Variants in ASXL3 observed in about 807,000 individuals in gnomAD.
The protein encoded by ASXL3 is ASXL transcriptional regulator 3, also known as putative Polycomb group protein ASXL3.
A neutral mutation model predicts 170.6 loss-of-function variants in ASXL3; 34 were observed. The observed-to-expected ratio is 0.20, with a 90% CI of 0.15 to 0.27. The LOEUF is 0.27. ASXL3 is among the 10% of genes least tolerant of loss of function. ASXL3 has a pLI of 1.00. For missense variants in ASXL3, 2,592 were observed against 2,695.3 expected (o/e 0.96, Z 0.85); for synonymous variants, 1,002 against 989.1 (o/e 1.01, Z -0.24).
At chr18:33,693,725 A>G (rs2066725744) in intron 8 of ASXL3, among the ~76,000 whole-genome samples, 1 of 152,230 alleles carries the variant, frequency 6.6e-6, no homozygotes, top group Non-Finnish European at 1.5e-5. Flanking sequence ...CACCCCAGCA[A>G]TGCTAAATAT....
intron 8 of ASXL3, among the ~76,000 whole-genome samples, chr18:33,706,428 A>G (rs777560661): frequency 3.3e-5 from 5 of 151,784 alleles, no homozygotes; most frequent in Non-Finnish European, 7.4e-5. Context: ...ATAGTATTAA[A>G]CTATCTTAAA....
intron 2 of ASXL3, among the ~76,000 whole-genome samples, chr18:33,626,120 A>C (rs1044190078): frequency 4.6e-5 from 7 of 152,052 alleles, no homozygotes; most frequent in African/African-American, 1.7e-4. Flanking sequence ...AAAACAGTGA[A>C]TTCTCTGGTT....
At chr18:33,663,243 A>G (rs1344619729) in intron 5 of ASXL3, among the ~76,000 whole-genome samples, 2 of 152,160 alleles carry the variant, frequency 1.3e-5, no homozygotes, top group Non-Finnish European at 2.9e-5. Flanking sequence ...AGAACAAAAG[A>G]TACAAAAATG....
At position 33,745,188 on chromosome 18, in the gene ASXL3, G is replaced by A. The variant is rs934971905; in HGVS notation, c.5340G>A (p.Leu1780=). ...GAKLEINRLP[L]PLQTTSVGKT... is the part of the protein sequence containing the mutation. ...AGCTTGAAATCAACAGGCTTCCATT[G>A]CCTCTTCAAACTACCTCAGTGGGTA... Residue 1780 remains leucine, a synonymous_variant, in exon 12 of 12, where the codon TTG becomes TTA. Transcript: ENST00000269197. The A allele has an allele frequency of 1.2e-6, 2 of 1,613,872 alleles. No individual in the cohort carries two copies. The highest frequency in any genetic ancestry group is 1.7e-6 in the Non-Finnish European group (2 of 1,179,900).
chr18:33,627,733 C>A (rs150891282), intron 2 of ASXL3, among the ~76,000 whole-genome samples: 49 of 152,254 alleles, frequency 3.2e-4, no homozygotes, highest in Admixed American at 9.2e-4. Flanking sequence ...AAGGAATTTG[C>A]AGCATAAATA....
intron 1 of ASXL3, among the ~76,000 whole-genome samples, chr18:33,595,247 A>C (rs991956744): frequency 6.6e-6 from 1 of 152,010 alleles, no homozygotes; most frequent in African/African-American, 2.4e-5. Context: ...ATTTTTTTAG[A>C]TATTACTTCT....
chr18:33,598,416 G>A (rs2065150611), intron 1 of ASXL3, among the ~76,000 whole-genome samples: 1 of 152,040 alleles, frequency 6.6e-6, no homozygotes, highest in Non-Finnish European at 1.5e-5. Flanking sequence ...TTGCCCCCCA[G>A]TGCCTCTGTA....
chr18:33,731,746 C>G (rs990153174), intron 8 of ASXL3, among the ~76,000 whole-genome samples: 5 of 152,078 alleles, frequency 3.3e-5, no homozygotes, highest in Admixed American at 2.0e-4. Context: ...TCCCAGGAGA[C>G]CAATCTTTTG....
intron 2 of ASXL3, among the ~76,000 whole-genome samples, chr18:33,641,111 G>A (rs1367029898): frequency 3.3e-5 from 5 of 151,986 alleles, no homozygotes; most frequent in African/African-American, 1.2e-4. Flanking sequence ...CAGGTATTCT[G>A]TCTAGTTTTT....
At chr18:33,631,056 C>A (rs549152596) in intron 2 of ASXL3, among the ~76,000 whole-genome samples, 1 of 151,904 alleles carries the variant, frequency 6.6e-6, no homozygotes, top group Non-Finnish European at 1.5e-5. Context: ...GTGAAATAAA[C>A]CACAAAGGAA....
chr18:33,741,794 T>A (rs975778798), intron 11 of ASXL3, among the ~76,000 whole-genome samples: 6 of 152,182 alleles, frequency 3.9e-5, no homozygotes, highest in Admixed American at 3.3e-4. Context: ...ACTAGTTATA[T>A]AATCCCAAGG....
At chr18:33,611,763 G>A (rs1215386960) in intron 2 of ASXL3, among the ~76,000 whole-genome samples, 3 of 151,978 alleles carry the variant, frequency 2.0e-5, no homozygotes, top group Admixed American at 6.6e-5. Context: ...AGAGGAGTAC[G>A]TCTAGTTACA....
intron 1 of ASXL3, among the ~76,000 whole-genome samples, chr18:33,580,846 G>A (rs2064985566): frequency 6.6e-6 from 1 of 152,110 alleles, no homozygotes; most frequent in Admixed American, 6.5e-5. Flanking sequence ...TTTGGTTTAA[G>A]TTATTTTTCC....
At chr18:33,603,685 G>A (rs1237168829) in intron 1 of ASXL3, among the ~76,000 whole-genome samples, 2 of 152,012 alleles carry the variant, frequency 1.3e-5, no homozygotes, top group African/African-American at 4.8e-5. Context: ...CCCGTTTGTG[G>A]AGAGCAATGT....
At chr18:33,637,021 T>C (rs2065778071) in intron 2 of ASXL3, among the ~76,000 whole-genome samples, 1 of 152,170 alleles carries the variant, frequency 6.6e-6, no homozygotes, top group South Asian at 2.1e-4. Flanking sequence ...TTGTGAATTT[T>C]CAATGCTATT....
intron 8 of ASXL3, among the ~76,000 whole-genome samples, chr18:33,688,671 G>A (rs9952046): frequency 0.019 from 2,877 of 152,292 alleles, 98 homozygotes; most frequent in African/African-American, 0.066. Context: ...AGGCAATAGT[G>A]TCAAATGTAC....
intron 8 of ASXL3, among the ~76,000 whole-genome samples, chr18:33,722,044 A>G (rs1220274064): frequency 6.6e-6 from 1 of 152,096 alleles, no homozygotes; most frequent in African/African-American, 2.4e-5. Flanking sequence ...ACCACAAACC[A>G]TGCCCTCATA....
At chr18:33,586,527 A>T (rs1369308767) in intron 1 of ASXL3, among the ~76,000 whole-genome samples, 3 of 152,068 alleles carry the variant, frequency 2.0e-5, no homozygotes, top group African/African-American at 7.2e-5. Flanking sequence ...TTTAAAAATC[A>T]GATTTCTTGA....
intron 2 of ASXL3, chr18:33,616,709 T>G (rs1320832525): frequency 6.6e-6 from 1 of 152,172 alleles, no homozygotes; most frequent in Non-Finnish European, 1.5e-5. Context: ...AGATTAAGGT[T>G]GGCAGTGTCC....
Sources: allele counts gnomAD v4.1 joint callset (sites outside exome capture counted in the v4.1 genomes callset), GRCh38; gene constraint gnomAD v4.1.1; transcripts MANE v1.5; gene names NCBI Gene and HGNC (gene_info 2026-07-23, HGNC 2026-07-21).